The following SLC24A3 variants were observed in gnomAD, a reference collection of about 807,000 sequenced individuals.
The protein encoded by SLC24A3 is solute carrier family 24 member 3.
In SLC24A3, 28 loss-of-function variants were observed where a neutral mutation model predicts 75.8. That is an observed-to-expected ratio of 0.37 (90% CI 0.27 to 0.51). The LOEUF is 0.51. Among genes scored for constraint, SLC24A3 ranks in the 20% least tolerant of loss-of-function variants. The pLI, the probability that SLC24A3 is intolerant of heterozygous loss-of-function variation, is 0.94. For missense variants in SLC24A3, 663 were observed against 847.8 expected (o/e 0.78, Z 2.71); for synonymous variants, 372 against 334.1 (o/e 1.11, Z -1.24).
intron 6 of SLC24A3, among the ~76,000 whole-genome samples, chr20:19,626,431 T>C (rs2122681692): frequency 6.6e-6 from 1 of 152,336 alleles, no homozygotes. Context: ...AAGACACTTA[T>C]TTTTGTACAT....
chr20:19,482,707 T>C (rs1988075108), intron 2 of SLC24A3, among the ~76,000 whole-genome samples: 1 of 152,240 alleles, frequency 6.6e-6, no homozygotes, highest in South Asian at 2.1e-4. Context: ...TTGTTCTTTC[T>C]TCTGTGAGGA....
intron 6 of SLC24A3, among the ~76,000 whole-genome samples, chr20:19,628,538 G>A (rs944947861): frequency 2.4e-4 from 37 of 152,118 alleles, no homozygotes; most frequent in Admixed American, 4.6e-4. Flanking sequence ...TCTCCTTCAG[G>A]AGGAAAAGAA....
intron 2 of SLC24A3, among the ~76,000 whole-genome samples, chr20:19,505,888 C>T (rs929793773): frequency 3.3e-5 from 5 of 152,174 alleles, no homozygotes; most frequent in African/African-American, 1.2e-4. Flanking sequence ...GACTGTGGGC[C>T]TGGTATTGAT....
intron 7 of SLC24A3, among the ~76,000 whole-genome samples, chr20:19,658,245 T>C (rs1415421305): frequency 1.3e-5 from 2 of 151,682 alleles, no homozygotes; most frequent in South Asian, 4.2e-4. Context: ...TGATGGCTGC[T>C]GAGGGGCCGA....
At chr20:19,452,984 C>A (rs1033768984) in intron 2 of SLC24A3, among the ~76,000 whole-genome samples, 2 of 152,172 alleles carry the variant, frequency 1.3e-5, no homozygotes, top group Admixed American at 6.5e-5. Flanking sequence ...GAGTTCAAGA[C>A]CAGCGTGGCC....
intron 9 of SLC24A3, among the ~76,000 whole-genome samples, chr20:19,680,263 C>T (rs944306178): frequency 2.6e-5 from 4 of 152,060 alleles, no homozygotes; most frequent in Non-Finnish European, 5.9e-5. Flanking sequence ...CAGAGTTGCC[C>T]ATGGTTGGAA....
At chr20:19,443,629 C>A (rs1987330858) in intron 2 of SLC24A3, among the ~76,000 whole-genome samples, 1 of 152,158 alleles carries the variant, frequency 6.6e-6, no homozygotes. Context: ...AGGACAGTTT[C>A]ATTTCTTCTT....
At chr20:19,637,166 C>T (rs545478095) in intron 6 of SLC24A3, among the ~76,000 whole-genome samples, 4 of 152,282 alleles carry the variant, frequency 2.6e-5, no homozygotes, top group Non-Finnish European at 5.9e-5. Context: ...CCAGACATGG[C>T]GGTGCATGCC....
intron 2 of SLC24A3, among the ~76,000 whole-genome samples, chr20:19,295,911 G>T (rs1285819633): frequency 6.6e-6 from 1 of 151,968 alleles, no homozygotes; most frequent in Non-Finnish European, 1.5e-5. Flanking sequence ...TCAATTGTTT[G>T]GAATAGTTTC....
At chr20:19,379,479 C>G (rs190934907) in intron 2 of SLC24A3, among the ~76,000 whole-genome samples, 1 of 152,106 alleles carries the variant, frequency 6.6e-6, no homozygotes, top group South Asian at 2.1e-4. Context: ...TTGATAAGCC[C>G]GAGTCTCACC....
intron 2 of SLC24A3, among the ~76,000 whole-genome samples, chr20:19,441,635 T>C (rs1175658163): frequency 6.6e-6 from 1 of 152,206 alleles, no homozygotes; most frequent in African/African-American, 2.4e-5. Context: ...CTTATATTAG[T>C]GTGGTACATT....
At chr20:19,697,643 T>C (rs938033693) in intron 14 of SLC24A3, 3 of 152,336 alleles carry the variant, frequency 2.0e-5, no homozygotes, top group African/African-American at 7.2e-5. Flanking sequence ...GCCTGATTTA[T>C]GCTGGAGGGC....
At chr20:19,612,324 GGAA>G (rs1406617309) in intron 6 of SLC24A3, among the ~76,000 whole-genome samples, 3 of 152,190 alleles carry the variant, frequency 2.0e-5, no homozygotes, top group Admixed American at 2.0e-4. Context: ...CTAGACGGGA[GGAA>G]GAAGCTCTGG....
chr20:19,251,092 A>G (rs1025617565), intron 1 of SLC24A3, among the ~76,000 whole-genome samples: 1 of 152,202 alleles, frequency 6.6e-6, no homozygotes, highest in Non-Finnish European at 1.5e-5. Context: ...TTGATAACCT[A>G]TGTATTCAAC....
intron 2 of SLC24A3, among the ~76,000 whole-genome samples, chr20:19,339,404 C>G (rs974666092): frequency 6.6e-6 from 1 of 152,160 alleles, no homozygotes; most frequent in African/African-American, 2.4e-5. Context: ...AGCTATCACT[C>G]AGTCTATATA....
At chr20:19,449,834 T>C (rs1987450756) in intron 2 of SLC24A3, among the ~76,000 whole-genome samples, 1 of 152,210 alleles carries the variant, frequency 6.6e-6, no homozygotes, top group Non-Finnish European at 1.5e-5. Context: ...GGGCTCCCAA[T>C]AGAGTGTTCA....
chr20:19,446,531 G>A (rs1450765658), intron 2 of SLC24A3, among the ~76,000 whole-genome samples: 2 of 152,176 alleles, frequency 1.3e-5, no homozygotes, highest in Non-Finnish European at 2.9e-5. Flanking sequence ...TTCTGTAAAG[G>A]ATGGCGTTAC....
chr20:19,258,759 T>C (rs1416723119), intron 1 of SLC24A3, among the ~76,000 whole-genome samples: 1 of 152,114 alleles, frequency 6.6e-6, no homozygotes, highest in Non-Finnish European at 1.5e-5. Context: ...CATTTTCCTG[T>C]GGCTTTTCCA....
chr20:19,516,519 G>T (rs982096574), intron 3 of SLC24A3, among the ~76,000 whole-genome samples: 1 of 152,212 alleles, frequency 6.6e-6, no homozygotes, highest in East Asian at 1.9e-4. Context: ...GCTGCTCCAC[G>T]GAATCCAGGG....
Sources: allele counts gnomAD v4.1 joint callset (sites outside exome capture counted in the v4.1 genomes callset), GRCh38; gene constraint gnomAD v4.1.1; transcripts MANE v1.5; gene names NCBI Gene and HGNC (gene_info 2026-07-23, HGNC 2026-07-21).